Variants in SLK observed in about 807,000 individuals in gnomAD.
SLK encodes STE20-like serine/threonine-protein kinase.
A neutral mutation model predicts 147.7 loss-of-function variants in SLK; 67 were observed. That is an observed-to-expected ratio of 0.45 (90% confidence interval 0.37 to 0.56). The LOEUF is 0.56. SLK is among the 20% of genes least tolerant of loss of function. The pLI is 0.00. For missense variants in SLK, 1,136 were observed against 1,438.8 expected, an observed-to-expected ratio of 0.79 and a Z score of 3.41; for synonymous variants, 441 against 475.0, an observed-to-expected ratio of 0.93 and a Z score of 0.93.
chr10:104,013,817 A>G (rs1290043834), intron 13 of SLK, among the ~76,000 whole-genome samples: 1 of 152,218 alleles, frequency 6.6e-6, no homozygotes, highest in African/African-American at 2.4e-5. Context: ...ATACATGATA[A>G]TGTTTGTAAT....
chr10:104,023,548 G>A (rs1844561889), intron 18 of SLK, among the ~76,000 whole-genome samples: 1 of 152,182 alleles, frequency 6.6e-6, no homozygotes, highest in African/African-American at 2.4e-5. Context: ...TCAGTGAATG[G>A]TTGCTGTTGC....
intron 1 of SLK, among the ~76,000 whole-genome samples, chr10:103,979,310 T>C (rs1452696559): frequency 6.6e-6 from 1 of 152,216 alleles, no homozygotes; most frequent in Non-Finnish European, 1.5e-5. Context: ...AGCCACCGTA[T>C]CCAGCCAAGA....
At position 103,993,007 on chromosome 10, in the gene SLK, T is replaced by A; in HGVS notation, c.388T>A (p.Ser130Thr). Residue 130 changes from serine (S) to threonine (T), a missense_variant, in exon 4 of 19, where the codon TCC becomes ACC. Physicochemically the swap from Ser to Thr is moderately conservative, Grantham distance 58. This residue lies in a region of SLK where 5 missense variants were observed against 19.5 expected (regional missense o/e 0.26). Transcript: ENST00000369755. The part of the protein sequence containing the change: ...MLELERPLTE[S>T]QIQVVCKQTL... ...AGAACTTGAGAGACCATTAACTGAGTCCCAAATACAAGTAGTTTGCAAGCA... is the reference window on the plus strand; with the variant it reads ...AGAACTTGAGAGACCATTAACTGAGACCCAAATACAAGTAGTTTGCAAGCA... The A allele has an allele frequency of 6.2e-7, 1 of 1,611,216 alleles. No homozygotes were observed. The highest frequency in any genetic ancestry group is 8.5e-7 in the Non-Finnish European group (1 of 1,178,634).
intron 1 of SLK, among the ~76,000 whole-genome samples, chr10:103,984,581 T>C (rs189880705): frequency 9.2e-5 from 14 of 152,200 alleles, no homozygotes; most frequent in Admixed American, 2.0e-4. Flanking sequence ...ACCGTGCTAA[T>C]TTTTGTATTT....
At chr10:104,005,854 G>T (rs796446153) in intron 10 of SLK, 58 bp from the exon 11 acceptor site, 3 of 1,545,400 alleles carry the variant, frequency 1.9e-6, no homozygotes, top group East Asian at 2.3e-5. Context: ...AAAAAAAAAC[G>T]TATTTCAGAA....
rs140131698 is a variant in SLK, at chr10:103,982,612, G to T, written c.151-8063G>T. On this transcript the variant is annotated intron_variant, in intron 1 of 18. Coordinates refer to ENST00000369755, the MANE Select transcript of SLK (RefSeq NM_014720.4). ...AATTACAGAAAGAATATGTACAGTC[G>T]ATCCTCATTATTTGCAGATTTTGTA... Among the ~76,000 whole-genome samples the T allele has an allele frequency of 1.1e-3, 163 of 152,246 alleles. 2 individuals carry two copies. The highest frequency in any genetic ancestry group is 3.4e-3 in the Middle Eastern group (1 of 294).
In SLK at chr10:104,002,332, C is replaced by T; in HGVS notation, c.1154C>T (p.Pro385Leu). Reference sequence around the variant, plus strand: ...AACAGCAAAATTCTTAATGAAAAACCCACCACTGATGAACCTGAAAAGGCT... The same window carrying T: ...AACAGCAAAATTCTTAATGAAAAACTCACCACTGATGAACCTGAAAAGGCT... ...KLNSKILNEK[P>L]TTDEPEKAVE... Residue 385 changes from proline to leucine, a missense_variant, in exon 9 of 19, where the codon CCC (proline) becomes CTC (leucine). Physicochemically the swap from Pro to Leu is moderately conservative, Grantham distance 98 (BLOSUM62 -3). This residue lies in a region of SLK where 516 missense variants were observed against 531.3 expected (regional missense o/e 0.97). Transcript: ENST00000369755. The T allele has an allele frequency of 3.7e-6, 6 of 1,613,390 alleles. No individual in the cohort carries two copies. The highest frequency in any genetic ancestry group is 5.1e-6 in the Non-Finnish European group (6 of 1,179,554).
chr10:104,013,018 C>G (rs891837005), intron 13 of SLK, among the ~76,000 whole-genome samples: 3 of 152,062 alleles, frequency 2.0e-5, no homozygotes, highest in Admixed American at 6.6e-5. Flanking sequence ...TGGTAACAGG[C>G]CAGTATTTTC....
chr10:104,005,433 A>T, intron 9 of SLK, 128 bp from the exon 10 acceptor site: 1 of 742,808 alleles, frequency 1.3e-6, no homozygotes, highest in Non-Finnish European at 2.1e-6. Context: ...TATACTTTCT[A>T]TGTGTAGTCT....
chr10:104,021,904 A>G (rs1438970673), intron 18 of SLK, among the ~76,000 whole-genome samples, 171 bp downstream of exon 18: 1 of 152,116 alleles, frequency 6.6e-6, no homozygotes, highest in Non-Finnish European at 1.5e-5. Context: ...GCAGTTAGGA[A>G]TTGGTAGGGT....
intron 1 of SLK, among the ~76,000 whole-genome samples, chr10:103,979,195 T>G (rs1265594229): frequency 6.6e-6 from 1 of 152,146 alleles, no homozygotes; most frequent in Non-Finnish European, 1.5e-5. Flanking sequence ...TTTGTATTTT[T>G]TAGTAGAGAT....
chr10:103,996,708 T>A (rs1844180166), intron 4 of SLK, among the ~76,000 whole-genome samples: 1 of 152,158 alleles, frequency 6.6e-6, no homozygotes, highest in African/African-American at 2.4e-5. Flanking sequence ...TAATAAATAT[T>A]ATGCTCGTAC....
intron 8 of SLK, 50 bp downstream of exon 8, chr10:104,001,622 A>G: frequency 6.2e-7 from 1 of 1,600,496 alleles, no homozygotes; most frequent in Non-Finnish European, 8.5e-7. Context: ...TTCGGTTTTG[A>G]GGTGTAGTTG....
At chr10:104,022,664 A>G (rs557406919) in intron 18 of SLK, among the ~76,000 whole-genome samples, 1 of 152,052 alleles carries the variant, frequency 6.6e-6, no homozygotes, top group East Asian at 1.9e-4. Flanking sequence ...CTGGAGTGCA[A>G]TGGTGCGATC....
chr10:104,019,265 A>G (rs562915660), intron 15 of SLK: 2 of 189,636 alleles, frequency 1.1e-5, no homozygotes, highest in South Asian at 2.1e-4. Context: ...CTCATCACTA[A>G]TAACTTTCTT....
chr10:104,006,273 T>C (rs911404583), intron 11 of SLK, among the ~76,000 whole-genome samples: 3 of 152,164 alleles, frequency 2.0e-5, no homozygotes, highest in African/African-American at 7.2e-5. Flanking sequence ...TGGTTTATGG[T>C]GTGATGGGTT....
rs556237215 is a variant in SLK at position 103,999,424 on chromosome 10, C to T, written c.782+111C>T. The T allele has an allele frequency of 2.4e-5, 19 of 790,354 alleles. No individual in the cohort carries two copies. The Admixed American group carries it at 3.1e-4, about 13-fold the overall frequency. 49.0% of individuals were successfully genotyped at this position (790,354 alleles called of 1,614,324 possible). ...AGTATTTAAAATTGGATACATGGTT[C>T]GAAGACTATATGAATTAGAAAAGTG... On this transcript the variant is annotated intron_variant, in intron 6 of 18. Transcript: ENST00000369755.
chr10:104,002,439 G>C lies in SLK; in HGVS notation c.1261G>C (p.Glu421Gln). ...ELHDRTAVIK[E>Q]NEREKRPKLE... is the part of the protein sequence containing the mutation. Reference sequence around the variant, plus strand: ...CCATGACAGAACAGCAGTAATCAAGGAGAATGAAAGAGAGAAGAGGCCCAA... The same window carrying C: ...CCATGACAGAACAGCAGTAATCAAGCAGAATGAAAGAGAGAAGAGGCCCAA... The change falls in exon 9 of 19, where the codon GAG (glutamate) becomes CAG (glutamine). Residue 421 changes from glutamate (E) to glutamine (Q), a missense_variant. Physicochemically the swap from Glu to Gln is conservative, Grantham distance 29. Around this residue, in one of 6 missense-constraint regions of SLK, gnomAD observed 516 missense variants for 531.3 expected, o/e 0.97. Coordinates refer to ENST00000369755, the MANE Select transcript of SLK (RefSeq NM_014720.4). 2 of 1,613,986 alleles carry C rather than the reference G, an allele frequency of 1.2e-6. No individual in the cohort carries two copies. The highest frequency in any genetic ancestry group is 1.7e-6 in the Non-Finnish European group (2 of 1,180,024).
intron 12 of SLK, among the ~76,000 whole-genome samples, chr10:104,009,434 A>G (rs1221442043): frequency 6.6e-6 from 1 of 152,164 alleles, no homozygotes; most frequent in Non-Finnish European, 1.5e-5. Context: ...TAATAAATAC[A>G]GTGATTTTAT....
Sources: allele counts gnomAD v4.1 joint callset (sites outside exome capture counted in the v4.1 genomes callset), GRCh38; gene constraint gnomAD v4.1.1; regional missense constraint gnomAD v4.1.1; transcripts MANE v1.5; gene names NCBI Gene and HGNC (gene_info 2026-07-23, HGNC 2026-07-21).